Variants in LTBP1 observed in about 807,000 individuals in gnomAD.
LTBP1 encodes latent transforming growth factor beta binding protein 1.
LTBP1 carries 129 observed loss-of-function variants against 207.6 expected under a neutral mutation model. That is an observed-to-expected ratio of 0.62 (90% CI 0.54 to 0.72). The LOEUF is 0.72. Among genes scored for constraint, LTBP1 ranks in the 30% least tolerant of loss-of-function variants. The pLI is 0.00. For missense variants in LTBP1, 2,281 were observed against 2,217.2 expected (o/e 1.03, Z -0.58); for synonymous variants, 963 against 833.7 (o/e 1.16, Z -2.67).
At chr2:33,099,711 C>T (rs538683690) in intron 3 of LTBP1, among the ~76,000 whole-genome samples, 98 of 152,264 alleles carry the variant, frequency 6.4e-4, no homozygotes, top group African/African-American at 2.2e-3. Context: ...CTGTGTTGAG[C>T]ACCATGTGCC....
At chr2:32,965,571 A>G (rs1411898146) in intron 2 of LTBP1, among the ~76,000 whole-genome samples, 1 of 152,188 alleles carries the variant, frequency 6.6e-6, no homozygotes, top group Non-Finnish European at 1.5e-5. Context: ...AGTTGAGATC[A>G]TACTGTAGGT....
intron 19 of LTBP1, among the ~76,000 whole-genome samples, chr2:33,292,152 G>C (rs2093787104): frequency 1.3e-5 from 2 of 152,286 alleles, no homozygotes; most frequent in Admixed American, 1.3e-4. Context: ...CATTCAAATG[G>C]AGCACAGAAC....
intron 22 of LTBP1, among the ~76,000 whole-genome samples, chr2:33,306,075 C>T (rs1451616534): frequency 1.3e-5 from 2 of 152,130 alleles, no homozygotes; most frequent in Non-Finnish European, 2.9e-5. Flanking sequence ...GTTGTGCTCT[C>T]GTAATGTTCA....
chr2:33,063,142 T>C (rs2077349004), intron 3 of LTBP1: 1 of 152,212 alleles, frequency 6.6e-6, no homozygotes, highest in Non-Finnish European at 1.5e-5. Flanking sequence ...AATTTTGTTC[T>C]GCATTTTCAA....
At chr2:33,069,666 T>C (rs1032995435) in intron 3 of LTBP1, among the ~76,000 whole-genome samples, 1 of 152,260 alleles carries the variant, frequency 6.6e-6, no homozygotes, top group African/African-American at 2.4e-5. Flanking sequence ...ACCAGTTATC[T>C]GCTCACAAAA....
At chr2:33,220,288 A>G (rs1327549206) in intron 8 of LTBP1, among the ~76,000 whole-genome samples, 1 of 152,228 alleles carries the variant, frequency 6.6e-6, no homozygotes, top group East Asian at 1.9e-4. Flanking sequence ...TTTGGAAGGA[A>G]GCAGACTTTC....
At chr2:33,015,370 C>T (rs1431758992) in intron 2 of LTBP1, among the ~76,000 whole-genome samples, 3 of 151,914 alleles carry the variant, frequency 2.0e-5, no homozygotes, top group African/African-American at 7.2e-5. Flanking sequence ...ATTAAGAGAC[C>T]ATTGGCCATC....
chr2:33,386,681 CAG>C (rs1311039145), intron 31 of LTBP1, among the ~76,000 whole-genome samples: 1 of 152,130 alleles, frequency 6.6e-6, no homozygotes, highest in Non-Finnish European at 1.5e-5. Context: ...AAAAATTAGC[CAG>C]GTTTGGTAGC....
In LTBP1 at chr2:33,138,933, A is replaced by G. The variant is rs1157822267; in HGVS notation, c.1201+3973A>G. 2.4e-5 allele frequency among the ~76,000 whole-genome samples: 3 copies of G among 127,164 alleles called. No homozygotes were observed. The East Asian group carries it at 7.0e-4, about 29-fold the overall frequency. The allele number at this position is 127,164 out of a possible 152,430, so 83.4% of individuals were successfully genotyped here. A position where few individuals can be genotyped will look rare whatever the true frequency, so the allele number is the denominator to read the frequency against. ...GAGTGCAGTGGCGCGATCTCGGCTC[A>G]CTGCAAGCTCCGCCTCCCGGGTTCA... On this transcript the variant is annotated intron_variant, in intron 5 of 33. Transcript: ENST00000404816.
chr2:33,297,216 A>C (rs757449179), intron 20 of LTBP1, among the ~76,000 whole-genome samples: 1 of 152,074 alleles, frequency 6.6e-6, no homozygotes, highest in Non-Finnish European at 1.5e-5. Context: ...CTCCGATTCT[A>C]ATGGCGTCTT....
At chr2:33,395,094 T>C (rs554385205) in intron 32 of LTBP1, among the ~76,000 whole-genome samples, 5 of 152,194 alleles carry the variant, frequency 3.3e-5, no homozygotes, top group Admixed American at 3.3e-4. Flanking sequence ...CATTTAATCT[T>C]TACAAGGTAG....
Position 33,397,217 on chromosome 2 carries a change from A to C in LTBP1, c.4919A>C (p.Gln1640Pro), listed in dbSNP as rs1268281474. The change falls in exon 33 of 34, where the codon CAG (glutamine) becomes CCG (proline). Residue 1640 changes from glutamine to proline, a missense_variant. By Grantham distance (76) the Gln-to-Pro change is moderately conservative. Coordinates refer to ENST00000404816, the MANE Select transcript of LTBP1 (RefSeq NM_206943.4). ...GAAAATGGTCGCTGTGTGAGGGTCC[A>C]GGAAGGTTACACCTGCGATTGCTTT... The part of the protein sequence containing the change: ...GCENGRCVRV[Q>P]EGYTCDCFDG... The C allele has an allele frequency of 6.2e-7, 1 of 1,614,218 alleles. No homozygotes were observed. The highest frequency in any genetic ancestry group is 1.1e-5 in the South Asian group (1 of 91,092).
chr2:33,314,664 A>T (rs946001585), intron 23 of LTBP1, among the ~76,000 whole-genome samples: 3 of 152,224 alleles, frequency 2.0e-5, no homozygotes, highest in African/African-American at 7.2e-5. Flanking sequence ...GTGAAGTGCC[A>T]TTTATGAGCC....
At chr2:33,004,673 G>C (rs1686518483) in intron 2 of LTBP1, among the ~76,000 whole-genome samples, 1 of 150,496 alleles carries the variant, frequency 6.6e-6, no homozygotes, top group African/African-American at 2.4e-5. Flanking sequence ...TACTCAGGAG[G>C]CTGAGGCAGG....
intron 31 of LTBP1, among the ~76,000 whole-genome samples, chr2:33,369,175 A>T (rs1177846378): frequency 6.6e-6 from 1 of 152,184 alleles, no homozygotes; most frequent in Non-Finnish European, 1.5e-5. Context: ...TATCAGGGGA[A>T]AAAAGATAAC....
chr2:33,193,048 C>G (rs1037047518), intron 7 of LTBP1, among the ~76,000 whole-genome samples: 25 of 152,260 alleles, frequency 1.6e-4, no homozygotes, highest in Non-Finnish European at 4.4e-5. Flanking sequence ...CACATTCAAA[C>G]CATAGGAAAT....
At chr2:33,078,954 C>T (rs1244678913) in intron 3 of LTBP1, among the ~76,000 whole-genome samples, 1 of 150,706 alleles carries the variant, frequency 6.6e-6, no homozygotes, top group Non-Finnish European at 1.5e-5. Context: ...CGCCTCCCTG[C>T]TTCAAGCGAT....
At chr2:33,377,482 C>G (rs2150326434) in intron 31 of LTBP1, among the ~76,000 whole-genome samples, 1 of 152,268 alleles carries the variant, frequency 6.6e-6, no homozygotes. Context: ...ATTCATGGCA[C>G]TTTTCCTAAG....
chr2:33,395,956 G>C (rs2095354591), intron 32 of LTBP1, among the ~76,000 whole-genome samples: 1 of 151,486 alleles, frequency 6.6e-6, no homozygotes, highest in East Asian at 1.9e-4. Context: ...GAAGAGACAG[G>C]AGATGAGAGG....
Sources: gnomAD v4.1 joint callset for allele counts (sites outside exome capture counted in the v4.1 genomes callset) on GRCh38, gnomAD v4.1.1 for gene constraint, MANE v1.5 for transcripts, NCBI Gene and HGNC (gene_info 2026-07-23, HGNC 2026-07-21) for gene names.